The following SIRPG variants were observed in gnomAD, a reference collection of about 807,000 sequenced individuals.
SIRPG encodes signal regulatory protein gamma, also known as signal-regulatory protein gamma.
Under a neutral mutation model 35.7 loss-of-function variants are expected in SIRPG, and 38 were observed. That is an observed-to-expected ratio of 1.06 (90% confidence interval 0.82 to 1.40). The LOEUF is 1.40. Ranked by LOEUF, SIRPG falls within the 40% of genes most tolerant of loss-of-function variation. The pLI is 0.00. For missense variants in SIRPG, 519 were observed against 483.0 expected (o/e 1.07, Z -0.70); for synonymous variants, 215 against 190.4 (o/e 1.13, Z -1.06).
the SIRPG span, among the ~76,000 whole-genome samples, chr20:1,681,022 T>A: frequency 3.3e-5 from 5 of 152,350 alleles, no homozygotes; most frequent in South Asian, 4.1e-4. Flanking sequence ...AGATATCCAA[T>A]AAATATGTGT....
At chr20:1,658,629 CA>C (rs1451451519), upstream of SIRPG, among the ~76,000 whole-genome samples, 1 of 152,194 alleles carries the variant, frequency 6.6e-6, no homozygotes, top group Non-Finnish European at 1.5e-5. Context: ...TGCTCAGTTT[CA>C]ATCTCCTAAA....
intron 2 of SIRPG, among the ~76,000 whole-genome samples, chr20:1,640,987 G>A (rs1265103274): frequency 6.6e-6 from 1 of 152,162 alleles, no homozygotes; most frequent in African/African-American, 2.4e-5. Context: ...TAAACTTTTT[G>A]ATGTGCTGCG....
chr20:1,661,478 T>C (rs2091995697), upstream of SIRPG, among the ~76,000 whole-genome samples: 1 of 152,126 alleles, frequency 6.6e-6, no homozygotes, highest in Non-Finnish European at 1.5e-5. Context: ...GGAGACACCA[T>C]GTAGAAATAC....
chr20:1,651,912 T>C (rs189047154), intron 1 of SIRPG, among the ~76,000 whole-genome samples: 71 of 152,328 alleles, frequency 4.7e-4, no homozygotes, highest in African/African-American at 1.6e-3. Flanking sequence ...GTGATACTTA[T>C]AATAATATCA....
the SIRPG span, among the ~76,000 whole-genome samples, chr20:1,665,565 C>T: frequency 1.3e-5 from 2 of 152,122 alleles, no homozygotes; most frequent in African/African-American, 2.4e-5. Flanking sequence ...GAAAGAGGCT[C>T]CTTCTTTCCA....
In SIRPG at chr20:1,657,632, C is replaced by A. The variant is rs763066088; in HGVS notation, c.73+10G>T. ...AGGGAGAAAGGGTTCTAGCCCAATG[C>A]AATGCTCACCTGTAAGTCCCAGCAG... On this transcript the variant is annotated intron_variant, in intron 1 of 5. Coordinates refer to ENST00000303415, the MANE Select transcript of SIRPG (RefSeq NM_018556.4). 9.9e-6 allele frequency: 16 copies of A among 1,613,828 alleles called. No individual in the cohort carries two copies. The South Asian group carries it at 1.5e-4, about 16-fold the overall frequency.
chr20:1,654,412 T>C (rs1048351773), intron 1 of SIRPG, among the ~76,000 whole-genome samples: 3 of 152,112 alleles, frequency 2.0e-5, no homozygotes, highest in African/African-American at 7.2e-5. Flanking sequence ...CAATTGACTA[T>C]TGACAAAAGT....
chr20:1,660,819 G>A (rs2091994018), upstream of SIRPG, among the ~76,000 whole-genome samples: 1 of 152,178 alleles, frequency 6.6e-6, no homozygotes, highest in African/African-American at 2.4e-5. Context: ...GAAACTGGGA[G>A]CCAGTGGATG....
At chr20:1,661,324 G>A (rs6110821), upstream of SIRPG, among the ~76,000 whole-genome samples, 12 of 152,262 alleles carry the variant, frequency 7.9e-5, no homozygotes, top group African/African-American at 2.9e-4. Context: ...TGACGTCTGG[G>A]GGAATCAATA....
the SIRPG span, among the ~76,000 whole-genome samples, chr20:1,682,306 G>A: frequency 6.6e-6 from 1 of 152,280 alleles, no homozygotes; most frequent in East Asian, 1.9e-4. Flanking sequence ...AATCCTGTGT[G>A]TGTTTCGCAT....
At chr20:1,652,139 C>T (rs73572905) in intron 1 of SIRPG, among the ~76,000 whole-genome samples, 25 of 152,270 alleles carry the variant, frequency 1.6e-4, no homozygotes, top group African/African-American at 4.6e-4. Context: ...GGGCTTCTAA[C>T]GCAAAACAAA....
chr20:1,632,573 C>T (rs1262852869), intron 4 of SIRPG, among the ~76,000 whole-genome samples: 2 of 152,108 alleles, frequency 1.3e-5, no homozygotes, highest in African/African-American at 2.4e-5. Context: ...AAAGCAAATG[C>T]AATCCAGTCT....
chr20:1,683,792 A>T, the SIRPG span, among the ~76,000 whole-genome samples: 5 of 152,078 alleles, frequency 3.3e-5, no homozygotes, highest in Non-Finnish European at 1.5e-5. Flanking sequence ...ACATGGTGAA[A>T]CCCCGTCACT....
intron 1 of SIRPG, among the ~76,000 whole-genome samples, chr20:1,651,986 T>G (rs1218337500): frequency 6.6e-6 from 1 of 152,190 alleles, no homozygotes; most frequent in African/African-American, 2.4e-5. Context: ...ATTTACAAAT[T>G]TTACTTGCAA....
intron 1 of SIRPG, 118 bp from the exon 2 acceptor site, chr20:1,649,526 C>T (rs1353333304): frequency 3.6e-6 from 3 of 834,640 alleles, no homozygotes; most frequent in Admixed American, 4.7e-5. Context: ...AGGACTTGAT[C>T]TCAGCACACT....
rs186515077 is a variant in SIRPG, at chr20:1,636,072, C to A, written c.748+116G>T. On this transcript the variant is annotated intron_variant, in intron 3 of 5. Coordinates refer to ENST00000303415, the MANE Select transcript of SIRPG (RefSeq NM_018556.4). Reference sequence around the variant, plus strand: ...CACACCTAGGTGCATGGCGGGCGGGCAGTATAGTCAGGGATTAGATTACAG... The same window carrying A: ...CACACCTAGGTGCATGGCGGGCGGGAAGTATAGTCAGGGATTAGATTACAG... The A allele has an allele frequency of 4.3e-4, 621 of 1,441,678 alleles. 2 individuals carry two copies. The African/African-American group carries it at 7.2e-3, about 17-fold the overall frequency. 89.3% of individuals were successfully genotyped at this position (1,441,678 alleles called of 1,614,324 possible).
At chr20:1,668,194 TTTTCTTTTCTTTCTTTCTTTC>T in the SIRPG span, among the ~76,000 whole-genome samples, 24,461 of 117,634 alleles carry the variant, frequency 0.21, 2,999 homozygotes, top group East Asian at 0.49. Context: ...TTTCTTTTTC[TTTTCTTTTCTTTCTTTCTTTC>T]TTTCTTTCTT....
chr20:1,685,415 A>G, the SIRPG span, among the ~76,000 whole-genome samples: 1 of 152,036 alleles, frequency 6.6e-6, no homozygotes. Context: ...ATCTCAGAAG[A>G]AGAGGAGATG....
At chr20:1,654,935 C>T (rs2091966236) in intron 1 of SIRPG, among the ~76,000 whole-genome samples, 1 of 152,110 alleles carries the variant, frequency 6.6e-6, no homozygotes, top group African/African-American at 2.4e-5. Flanking sequence ...AAAAAAAATC[C>T]AACCTTACTA....
Sources: allele counts gnomAD v4.1 joint callset (sites outside exome capture counted in the v4.1 genomes callset), GRCh38; gene constraint gnomAD v4.1.1; transcripts MANE v1.5; gene names NCBI Gene and HGNC (gene_info 2026-07-23, HGNC 2026-07-21).